Variants in TRPC4 observed in about 807,000 individuals in gnomAD.
TRPC4 encodes short transient receptor potential channel 4.
A neutral mutation model predicts 99.4 loss-of-function variants in TRPC4; 49 were observed. That is an observed-to-expected ratio of 0.49 (90% CI 0.39 to 0.63). TRPC4 has a LOEUF of 0.63. TRPC4 is among the 20% of genes least tolerant of loss of function. The probability of loss-of-function intolerance (pLI) is 0.00; values close to 1 mark genes in which losing one functional copy is unlikely to be tolerated. For missense variants in TRPC4, 898 were observed against 1,152.9 expected (o/e 0.78, Z 3.20); for synonymous variants, 454 against 425.9 (o/e 1.07, Z -0.81).
intron 3 of TRPC4, among the ~76,000 whole-genome samples, chr13:37,717,803 G>C (rs936033261): frequency 2.0e-5 from 3 of 151,946 alleles, no homozygotes; most frequent in Non-Finnish European, 4.4e-5. Context: ...GGAAGCCCTA[G>C]GGAACTAACA....
intron 2 of TRPC4, among the ~76,000 whole-genome samples, chr13:37,780,381 A>G (rs1202273396): frequency 1.3e-5 from 2 of 151,560 alleles, no homozygotes; most frequent in African/African-American, 2.4e-5. Flanking sequence ...TCAGTTGGAT[A>G]TTGTTGTTTT....
chr13:37,699,089 TGTGA>T (rs1397127298), intron 3 of TRPC4, among the ~76,000 whole-genome samples: 10 of 152,172 alleles, frequency 6.6e-5, no homozygotes, highest in Admixed American at 6.5e-4. Context: ...TTCCTGATTG[TGTGA>T]GTATTAATAA....
intron 8 of TRPC4, among the ~76,000 whole-genome samples, chr13:37,647,425 G>A (rs1475766458): frequency 1.3e-5 from 2 of 152,196 alleles, no homozygotes; most frequent in Admixed American, 6.5e-5. Context: ...GAGTCTAAGA[G>A]GCAGCTGAAA....
intron 1 of TRPC4, among the ~76,000 whole-genome samples, chr13:37,803,687 A>T (rs955423855): frequency 1.3e-5 from 2 of 152,208 alleles, no homozygotes; most frequent in African/African-American, 2.4e-5. Context: ...AAACAGAAGA[A>T]ATTTAAATAG....
At chr13:37,862,440 C>T (rs1237257061) in intron 1 of TRPC4, among the ~76,000 whole-genome samples, 1 of 151,492 alleles carries the variant, frequency 6.6e-6, no homozygotes, top group Non-Finnish European at 1.5e-5. Flanking sequence ...CACGGATTTA[C>T]AGTAAAAAAA....
intron 7 of TRPC4, among the ~76,000 whole-genome samples, chr13:37,653,119 C>T (rs1172035265): frequency 6.6e-6 from 1 of 152,184 alleles, no homozygotes; most frequent in Non-Finnish European, 1.5e-5. Flanking sequence ...ATGACATCCT[C>T]AAATTTCTTT....
intron 1 of TRPC4, among the ~76,000 whole-genome samples, chr13:37,827,108 T>C (rs1958251202): frequency 6.6e-6 from 1 of 152,112 alleles, no homozygotes; most frequent in Admixed American, 6.6e-5. Context: ...TCTCCAGCCT[T>C]GGTTTTCAGC....
At chr13:37,751,369 A>AT (rs1336706218) in intron 2 of TRPC4, among the ~76,000 whole-genome samples, 1 of 151,338 alleles carries the variant, frequency 6.6e-6, no homozygotes, top group Non-Finnish European at 1.5e-5. Context: ...TGTACCTTTT[A>AT]TTTTTGTTTT....
chr13:37,661,251 C>T (rs1014882103), intron 6 of TRPC4, among the ~76,000 whole-genome samples: 16 of 152,148 alleles, frequency 1.1e-4, no homozygotes, highest in African/African-American at 3.4e-4. Flanking sequence ...AAGCATTTTA[C>T]ATCATGCTTG....
chr13:37,663,884 A>G (rs1952542024), intron 5 of TRPC4, among the ~76,000 whole-genome samples, 155 bp from the exon 6 acceptor site: 1 of 152,240 alleles, frequency 6.6e-6, no homozygotes. Context: ...CTAGAGGAAC[A>G]CATGTAGGAT....
intron 3 of TRPC4, among the ~76,000 whole-genome samples, 188 bp downstream of exon 3, chr13:37,745,749 T>C (rs976145838): frequency 6.6e-6 from 1 of 151,840 alleles, no homozygotes; most frequent in Non-Finnish European, 1.5e-5. Flanking sequence ...AAAACATCAA[T>C]TATTAAACCA....
At chr13:37,707,416 C>T (rs77784095) in intron 3 of TRPC4, among the ~76,000 whole-genome samples, 2,531 of 152,168 alleles carry the variant, frequency 0.017, 77 homozygotes, top group African/African-American at 0.058. Context: ...TTCTGTAATA[C>T]AATCTGTTTG....
At chr13:37,677,958 A>T (rs929292921) in intron 4 of TRPC4, among the ~76,000 whole-genome samples, 3 of 152,140 alleles carry the variant, frequency 2.0e-5, no homozygotes, top group Non-Finnish European at 4.4e-5. Context: ...TAAACAACCA[A>T]TCAATAATTA....
intron 2 of TRPC4, among the ~76,000 whole-genome samples, chr13:37,769,659 C>T (rs1387221933): frequency 6.6e-6 from 1 of 151,422 alleles, no homozygotes; most frequent in Non-Finnish European, 1.5e-5. Flanking sequence ...GAATCATTCA[C>T]AGATTTACAC....
chr13:37,682,522 C>T (rs1953283087), intron 4 of TRPC4, among the ~76,000 whole-genome samples: 1 of 152,158 alleles, frequency 6.6e-6, no homozygotes, highest in Non-Finnish European at 1.5e-5. Context: ...ACTTAAAACT[C>T]AAACAAAGAT....
At chr13:37,762,674 A>C (rs1566152001) in intron 2 of TRPC4, among the ~76,000 whole-genome samples, 1 of 137,290 alleles carries the variant, frequency 7.3e-6, no homozygotes, top group Non-Finnish European at 1.5e-5. Flanking sequence ...CAATGAGAAC[A>C]CATGGACACA....
chr13:37,729,638 G>C (rs1162815745), intron 3 of TRPC4, among the ~76,000 whole-genome samples: 1 of 152,038 alleles, frequency 6.6e-6, no homozygotes, highest in Non-Finnish European at 1.5e-5. Context: ...ACATACAATG[G>C]AATATTGTTT....
chr13:37,797,963 T>A (rs1452813576), intron 1 of TRPC4, among the ~76,000 whole-genome samples: 1 of 152,162 alleles, frequency 6.6e-6, no homozygotes, highest in East Asian at 1.9e-4. Context: ...TCCCAGAGGT[T>A]TATTTCTTTA....
intron 2 of TRPC4, among the ~76,000 whole-genome samples, chr13:37,760,023 A>G (rs992634126): frequency 6.6e-6 from 1 of 152,024 alleles, no homozygotes; most frequent in Non-Finnish European, 1.5e-5. Context: ...TGTATGTATC[A>G]TTCCAGAGAG....
Sources: allele counts gnomAD v4.1 joint callset (sites outside exome capture counted in the v4.1 genomes callset), GRCh38; gene constraint gnomAD v4.1.1; transcripts MANE v1.5; gene names NCBI Gene and HGNC (gene_info 2026-07-23, HGNC 2026-07-21).